AFF3: variants seen among roughly 807,000 people sequenced by gnomAD.
The protein encoded by AFF3 is ALF transcription elongation factor 3.
In AFF3, 32 loss-of-function variants were observed where a neutral mutation model predicts 129.7. The observed-to-expected ratio is 0.25, with a 90% CI of 0.19 to 0.33. AFF3 has a LOEUF of 0.33. Among genes scored for constraint, AFF3 ranks in the 10% least tolerant of loss-of-function variants. AFF3 has a pLI of 1.00. For synonymous variants in AFF3, 644 were observed against 635.4 expected (o/e 1.01, Z -0.20); for missense variants, 1,373 against 1,592.0 (o/e 0.86, Z 2.34).
At chr2:99,782,220 C>T in intron 8 of AFF3, among the ~76,000 whole-genome samples, 1 of 152,128 alleles carries the variant, frequency 6.6e-6, no homozygotes, top group East Asian at 1.9e-4. Flanking sequence ...ACAGAGTGCA[C>T]CTGAAAGGCT....
intron 24 of AFF3, among the ~76,000 whole-genome samples, chr2:99,551,970 G>A (rs1000720849): frequency 6.6e-6 from 1 of 152,168 alleles, no homozygotes; most frequent in Admixed American, 6.5e-5. Context: ...TGAGCCCCTG[G>A]AGTGAGTCCA....
At chr2:99,907,423 T>C (rs2106177353) in intron 7 of AFF3, among the ~76,000 whole-genome samples, 1 of 152,288 alleles carries the variant, frequency 6.6e-6, no homozygotes, top group East Asian at 1.9e-4. Flanking sequence ...AGACACCAGT[T>C]TAGAAAAGCC....
intron 12 of AFF3, among the ~76,000 whole-genome samples, chr2:99,650,843 C>T (rs946521144): frequency 1.4e-5 from 2 of 139,416 alleles, no homozygotes; most frequent in Non-Finnish European, 3.2e-5. Flanking sequence ...CTGAAATTTC[C>T]CATAATAAAA....
intron 18 of AFF3, among the ~76,000 whole-genome samples, chr2:99,576,576 T>A (rs1403126045): frequency 6.6e-6 from 1 of 151,990 alleles, no homozygotes; most frequent in Admixed American, 6.6e-5. Flanking sequence ...CATTTAGTTG[T>A]TGCTGTTTCT....
intron 7 of AFF3, among the ~76,000 whole-genome samples, chr2:99,983,386 T>C (rs1016580377): frequency 1.7e-4 from 26 of 152,254 alleles, no homozygotes; most frequent in Admixed American, 3.9e-4. Flanking sequence ...TTTTTTTTGT[T>C]AATCCAAGAT....
chr2:99,616,532 T>G (rs367901103), intron 13 of AFF3, among the ~76,000 whole-genome samples: 19 of 152,274 alleles, frequency 1.2e-4, no homozygotes, highest in South Asian at 1.2e-3. Context: ...GGCAGGTGGA[T>G]CACCTGAGAT....
At chr2:99,746,781 G>A (rs1198384339) in intron 9 of AFF3, among the ~76,000 whole-genome samples, 3 of 152,024 alleles carry the variant, frequency 2.0e-5, no homozygotes, top group Non-Finnish European at 4.4e-5. Context: ...TTTATATCTG[G>A]ACATAAGTTA....
At chr2:99,935,722 C>A (rs1413336644) in intron 7 of AFF3, among the ~76,000 whole-genome samples, 1 of 152,220 alleles carries the variant, frequency 6.6e-6, no homozygotes, top group African/African-American at 2.4e-5. Context: ...TACCTGAATA[C>A]TCTAGTGCCA....
At chr2:100,055,473 A>G in intron 4 of AFF3, among the ~76,000 whole-genome samples, 1 of 151,912 alleles carries the variant, frequency 6.6e-6, no homozygotes, top group African/African-American at 2.4e-5. Context: ...AAAAAAAAAA[A>G]AAAAAGAAAA....
intron 1 of AFF3, among the ~76,000 whole-genome samples, chr2:100,133,932 CA>C (rs1282747502): frequency 2.0e-5 from 3 of 151,074 alleles, no homozygotes; most frequent in Non-Finnish European, 4.4e-5. Context: ...GACTCTGTCT[CA>C]AAAAAATAAA....
intron 16 of AFF3, among the ~76,000 whole-genome samples, chr2:99,586,867 T>C (rs1678169207): frequency 6.6e-6 from 1 of 152,160 alleles, no homozygotes; most frequent in Non-Finnish European, 1.5e-5. Context: ...AGAAATTCAG[T>C]TATTAAGTTT....
At chr2:99,962,960 AC>A (rs1291317666) in intron 7 of AFF3, among the ~76,000 whole-genome samples, 1 of 151,500 alleles carries the variant, frequency 6.6e-6, no homozygotes, top group East Asian at 1.9e-4. Flanking sequence ...AATAGGATAA[AC>A]AAACCCAAGC....
At chr2:99,593,169 C>G (rs545487730) in intron 15 of AFF3, 26 bp downstream of exon 15, 1 of 1,543,344 alleles carries the variant, frequency 6.5e-7, no homozygotes, top group South Asian at 1.3e-5. Context: ...TCCACGCCCC[C>G]GCACCCCAGT....
At chr2:99,963,492 T>A (rs965490166) in intron 7 of AFF3, among the ~76,000 whole-genome samples, 2 of 152,082 alleles carry the variant, frequency 1.3e-5, no homozygotes, top group Non-Finnish European at 2.9e-5. Context: ...GCAGTCAGGT[T>A]TCTACATTCT....
chr2:99,707,705 T>A (rs988063532), intron 11 of AFF3: 150 of 959,966 alleles, frequency 1.6e-4, no homozygotes, highest in Non-Finnish European at 1.8e-4. Flanking sequence ...CTGCCTTTTT[T>A]TTTTTTTTCT....
chr2:99,883,317 A>T (rs1164892278), intron 7 of AFF3, among the ~76,000 whole-genome samples: 1 of 152,238 alleles, frequency 6.6e-6, no homozygotes, highest in Non-Finnish European at 1.5e-5. Context: ...TTCTGAAAAA[A>T]ATTCCCATTA....
At chr2:100,079,956 A>T (rs1688914328) in intron 4 of AFF3, among the ~76,000 whole-genome samples, 1 of 152,154 alleles carries the variant, frequency 6.6e-6, no homozygotes, top group African/African-American at 2.4e-5. Flanking sequence ...CTCTTAACTC[A>T]CTATGTATTT....
intron 8 of AFF3, among the ~76,000 whole-genome samples, chr2:99,829,109 G>A (rs79177964): frequency 0.013 from 2,054 of 152,150 alleles, 47 homozygotes; most frequent in African/African-American, 0.047. Flanking sequence ...AAACATCACC[G>A]AACTTCTCCA....
At chr2:99,625,249 G>A (rs540115506) in intron 13 of AFF3, among the ~76,000 whole-genome samples, 1 of 152,076 alleles carries the variant, frequency 6.6e-6, no homozygotes, top group Non-Finnish European at 1.5e-5. Flanking sequence ...TCAAAATATC[G>A]TTTGCGTAGG....
Sources: gnomAD v4.1 joint callset for allele counts (sites outside exome capture counted in the v4.1 genomes callset) on GRCh38, gnomAD v4.1.1 for gene constraint, MANE v1.5 for transcripts, NCBI Gene and HGNC (gene_info 2026-07-23, HGNC 2026-07-21) for gene names.